NKAIN3: variants seen among roughly 807,000 people sequenced by gnomAD.
NKAIN3 encodes the protein sodium/potassium-transporting ATPase subunit beta-1-interacting protein 3.
A neutral mutation model predicts 30.2 loss-of-function variants in NKAIN3; 25 were observed. The observed-to-expected ratio is 0.83, with a 90% CI of 0.60 to 1.16. NKAIN3 has a LOEUF of 1.16. NKAIN3 is among the 50% of genes most tolerant of loss of function. The pLI, the probability that NKAIN3 is intolerant of heterozygous loss-of-function variation, is 0.00. For missense variants in NKAIN3, 225 were observed against 254.1 expected (o/e 0.89, Z 0.78); for synonymous variants, 91 against 89.6 (o/e 1.02, Z -0.09).
At chr8:62,478,717 C>G (rs1057269709) in intron 1 of NKAIN3, among the ~76,000 whole-genome samples, 17 of 152,114 alleles carry the variant, frequency 1.1e-4, no homozygotes, top group Admixed American at 1.0e-3. Context: ...ATATTTATTT[C>G]CTGAGCCATA....
At chr8:62,723,258 GT>G (rs1218576091) in intron 3 of NKAIN3, among the ~76,000 whole-genome samples, 2 of 151,934 alleles carry the variant, frequency 1.3e-5, no homozygotes, top group Admixed American at 6.6e-5. Context: ...TTCTACCTAA[GT>G]TGAAAAATAA....
chr8:62,945,013 TC>T (rs888535051), intron 5 of NKAIN3, among the ~76,000 whole-genome samples: 2 of 152,140 alleles, frequency 1.3e-5, no homozygotes, highest in African/African-American at 4.8e-5. Flanking sequence ...ATTCCTTCCT[TC>T]CCCAAGTATT....
intron 3 of NKAIN3, among the ~76,000 whole-genome samples, chr8:62,723,943 A>G (rs987674791): frequency 2.0e-5 from 3 of 152,142 alleles, no homozygotes; most frequent in Non-Finnish European, 4.4e-5. Context: ...CTAACTTCTT[A>G]CTGTGTTTTC....
At chr8:62,523,647 A>G (rs193192697) in intron 1 of NKAIN3, among the ~76,000 whole-genome samples, 3 of 152,220 alleles carry the variant, frequency 2.0e-5, no homozygotes, top group Middle Eastern at 3.4e-3. Context: ...GGTTAGGTCT[A>G]CACTATAGGG....
At chr8:62,631,128 A>T (rs1179422886) in intron 3 of NKAIN3, among the ~76,000 whole-genome samples, 1 of 152,126 alleles carries the variant, frequency 6.6e-6, no homozygotes, top group Non-Finnish European at 1.5e-5. Flanking sequence ...CTCCGCTGTC[A>T]GGTTCCTTCT....
chr8:62,845,854 GC>G (rs1255626569), intron 4 of NKAIN3, among the ~76,000 whole-genome samples: 4 of 152,054 alleles, frequency 2.6e-5, no homozygotes, highest in Non-Finnish European at 5.9e-5. Context: ...CACCCAAACT[GC>G]TAGCAGATTC....
At chr8:62,991,492 A>G (rs1347633047) in intron 5 of NKAIN3, among the ~76,000 whole-genome samples, 1 of 152,246 alleles carries the variant, frequency 6.6e-6, no homozygotes, top group African/African-American at 2.4e-5. Context: ...ACAGATATCA[A>G]TGCAGAGCAA....
chr8:62,919,026 TA>T (rs1306055286), intron 5 of NKAIN3, among the ~76,000 whole-genome samples: 1 of 151,656 alleles, frequency 6.6e-6, no homozygotes, highest in Non-Finnish European at 1.5e-5. Flanking sequence ...AAAAAAAAGT[TA>T]ATGGGATGCT....
chr8:62,390,974 T>C (rs1817569343), intron 1 of NKAIN3, among the ~76,000 whole-genome samples: 1 of 152,216 alleles, frequency 6.6e-6, no homozygotes, highest in African/African-American at 2.4e-5. Flanking sequence ...TGCAAAATTT[T>C]TCTCCCATTC....
At chr8:62,756,375 G>T (rs1446233757) in intron 4 of NKAIN3, among the ~76,000 whole-genome samples, 7 of 151,996 alleles carry the variant, frequency 4.6e-5, no homozygotes, top group Non-Finnish European at 1.0e-4. Flanking sequence ...TATTTTTAAG[G>T]TTCACCCATG....
At position 62,974,914 on chromosome 8, in the gene NKAIN3, A is replaced by G. The variant is rs1001388193; in HGVS notation, c.*9507A>G. Among the ~76,000 whole-genome samples, 3 of 152,214 alleles carry G rather than the reference A, an allele frequency of 2.0e-5. No homozygotes were observed. The highest frequency in any genetic ancestry group is 7.2e-5 in the African/African-American group (3 of 41,456). ...GAAGGCCTTTTCCGCATCTATTGAG[A>G]TAATCATGTGGTTTTTGTCATTGGT... On this transcript the variant is annotated 3_prime_UTR_variant, in exon 7 of 7. Transcript: ENST00000623646.
intron 3 of NKAIN3, among the ~76,000 whole-genome samples, chr8:62,694,244 C>T (rs1814082697): frequency 6.6e-6 from 1 of 152,110 alleles, no homozygotes; most frequent in Admixed American, 6.5e-5. Context: ...CCCCACTACC[C>T]TTCCTAGCCT....
At chr8:62,863,276 G>A in intron 4 of NKAIN3, 1 of 1,553,618 alleles carries the variant, frequency 6.4e-7, no homozygotes, top group South Asian at 1.1e-5. Flanking sequence ...TTTCCTATAG[G>A]TTTCTGCTGT....
chr8:62,834,408 A>T (rs180933660), intron 4 of NKAIN3, among the ~76,000 whole-genome samples: 1 of 152,258 alleles, frequency 6.6e-6, no homozygotes, highest in Admixed American at 6.5e-5. Flanking sequence ...TGACAATATG[A>T]TTCTATACCT....
chr8:62,688,737 G>GAC (rs1339313689), intron 3 of NKAIN3, among the ~76,000 whole-genome samples: 2,243 of 146,470 alleles, frequency 0.015, 48 homozygotes, highest in African/African-American at 0.045. Flanking sequence ...CAGACAGACA[G>GAC]ACAGACACAC....
chr8:62,280,033 G>T (rs555566929), intron 1 of NKAIN3, among the ~76,000 whole-genome samples: 2 of 152,190 alleles, frequency 1.3e-5, no homozygotes, highest in East Asian at 3.9e-4. Flanking sequence ...ATTTGTTTGT[G>T]TCCTCTTTTA....
At chr8:62,741,421 AGGC>A (rs1257202599) in intron 3 of NKAIN3, among the ~76,000 whole-genome samples, 1 of 121,554 alleles carries the variant, frequency 8.2e-6, no homozygotes, top group Non-Finnish European at 1.7e-5. Flanking sequence ...GAAGGAAGGA[AGGC>A]AGGCAAGCAA....
At position 62,913,234 on chromosome 8, in the gene NKAIN3, CTATCAA is replaced by C. The variant is rs138831892; in HGVS notation, c.472-5212_472-5207del. On this transcript the variant is annotated intron_variant, in intron 4 of 6. Transcript: ENST00000623646. The stretch of plus-strand genomic sequence containing the variant: ...CATAAACCAGTAGCATCATTGTTTA[CTATCAA>C]TATCAAGTATTATATACTATATGTA... 3.7e-3 allele frequency among the ~76,000 whole-genome samples: 566 copies of C among 152,226 alleles called. 1 individual carries two copies. Among genetic ancestry groups the C allele is most frequent in the Middle Eastern group, 6.8e-3 (2 of 294 alleles).
intron 1 of NKAIN3, among the ~76,000 whole-genome samples, chr8:62,261,661 T>A (rs938122881): frequency 2.6e-5 from 4 of 152,210 alleles, no homozygotes; most frequent in African/African-American, 9.6e-5. Context: ...CATTTTCCAT[T>A]GTCCCCACAT....
Sources: allele counts gnomAD v4.1 joint callset (sites outside exome capture counted in the v4.1 genomes callset), GRCh38; gene constraint gnomAD v4.1.1; transcripts MANE v1.5; gene names NCBI Gene and HGNC (gene_info 2026-07-23, HGNC 2026-07-21).